CNTNAP5: variants seen among roughly 807,000 people sequenced by gnomAD.
The protein encoded by CNTNAP5 is contactin associated protein family member 5.
In CNTNAP5, 72 loss-of-function variants were observed where a neutral mutation model predicts 150.2. That is an observed-to-expected ratio of 0.48 (90% CI 0.40 to 0.58). The LOEUF is 0.58. CNTNAP5 is among the 20% of genes least tolerant of loss of function. The pLI is 0.00. For synonymous variants in CNTNAP5, 672 were observed against 619.8 expected (o/e 1.08, Z -1.25); for missense variants, 1,636 against 1,626.2 (o/e 1.01, Z -0.10).
At chr2:124,078,896 T>C (rs1440849681) in intron 1 of CNTNAP5, among the ~76,000 whole-genome samples, 1 of 152,198 alleles carries the variant, frequency 6.6e-6, no homozygotes, top group South Asian at 2.1e-4. Context: ...GTGGGACCTC[T>C]GTGAAAGGTA....
rs181989861 is a variant in CNTNAP5, at chr2:124,216,564, G to A, written c.83-5141G>A. Among the ~76,000 whole-genome samples the A allele has an allele frequency of 3.9e-3, 588 of 151,880 alleles. 5 individuals carry two copies. Among genetic ancestry groups the A allele is most frequent in the African/African-American group, 0.013 (559 of 41,434 alleles). On this transcript the variant is annotated intron_variant, in intron 1 of 23. Transcript: ENST00000682447. The stretch of plus-strand genomic sequence containing the variant: ...CTCCTCCCACCCCACAACAGTCCCC[G>A]GTGTGTGATATTCCCCTTCCTTTGT...
At chr2:124,263,617 T>C (rs373923252) in intron 3 of CNTNAP5, among the ~76,000 whole-genome samples, 41 of 152,290 alleles carry the variant, frequency 2.7e-4, no homozygotes, top group African/African-American at 8.7e-4. Flanking sequence ...ACGCTGATGG[T>C]AGTTTCTTTT....
At chr2:124,381,001 G>A (rs561074439) in intron 3 of CNTNAP5, among the ~76,000 whole-genome samples, 1 of 152,288 alleles carries the variant, frequency 6.6e-6, no homozygotes, top group South Asian at 2.1e-4. Context: ...TCTCTGAGAA[G>A]GTGGCATTGG....
At chr2:124,617,899 A>G (rs559787177) in intron 12 of CNTNAP5, among the ~76,000 whole-genome samples, 1 of 152,218 alleles carries the variant, frequency 6.6e-6, no homozygotes, top group South Asian at 2.1e-4. Context: ...TGCCTCTGAA[A>G]CCTGAATAGG....
chr2:124,563,024 G>C, intron 10 of CNTNAP5, among the ~76,000 whole-genome samples, 193 bp from the exon 11 acceptor site: 1 of 152,280 alleles, frequency 6.6e-6, no homozygotes, highest in Admixed American at 6.5e-5. Flanking sequence ...GTAATGCAAG[G>C]TGATTCTACC....
chr2:124,310,095 G>A (rs1688788129), intron 3 of CNTNAP5, among the ~76,000 whole-genome samples: 1 of 151,540 alleles, frequency 6.6e-6, no homozygotes, highest in South Asian at 2.1e-4. Flanking sequence ...TCAGGGAGAT[G>A]GAGTGGTTCT....
At chr2:124,469,396 A>T (rs958894567) in intron 6 of CNTNAP5, among the ~76,000 whole-genome samples, 4 of 152,196 alleles carry the variant, frequency 2.6e-5, no homozygotes, top group South Asian at 2.1e-4. Flanking sequence ...TAGAGCATTA[A>T]TTTTTTTGAA....
chr2:124,127,732 A>C (rs948960023), intron 1 of CNTNAP5, among the ~76,000 whole-genome samples: 1 of 152,182 alleles, frequency 6.6e-6, no homozygotes, highest in Non-Finnish European at 1.5e-5. Context: ...ATGGAACACA[A>C]CAGAGCCCTC....
intron 13 of CNTNAP5, among the ~76,000 whole-genome samples, chr2:124,665,151 A>G (rs1678671721): frequency 2.0e-5 from 3 of 152,368 alleles, no homozygotes; most frequent in African/African-American, 7.2e-5. Flanking sequence ...CAATAGAAGA[A>G]TTGAAATCAA....
chr2:124,474,437 T>C (rs913482134), intron 6 of CNTNAP5, among the ~76,000 whole-genome samples: 11 of 152,072 alleles, frequency 7.2e-5, no homozygotes, highest in Admixed American at 4.6e-4. Flanking sequence ...TATAAAGACA[T>C]TGATTTTCTT....
chr2:124,827,546 C>A (rs575183605), intron 19 of CNTNAP5, among the ~76,000 whole-genome samples: 1 of 152,286 alleles, frequency 6.6e-6, no homozygotes, highest in African/African-American at 2.4e-5. Context: ...AGACTTAACC[C>A]ACATGACAGA....
At chr2:124,680,952 T>C (rs1481552956) in intron 13 of CNTNAP5, 2 of 151,790 alleles carry the variant, frequency 1.3e-5, no homozygotes, top group Non-Finnish European at 2.9e-5. Flanking sequence ...ACCAATATTT[T>C]TGCTTCCTAA....
At chr2:124,133,470 T>C (rs1423761829) in intron 1 of CNTNAP5, among the ~76,000 whole-genome samples, 1 of 152,152 alleles carries the variant, frequency 6.6e-6, no homozygotes, top group Non-Finnish European at 1.5e-5. Flanking sequence ...TTAAAGGGCC[T>C]GGTCACACAG....
At chr2:124,755,072 T>A (rs904222650) in intron 14 of CNTNAP5, among the ~76,000 whole-genome samples, 9 of 125,308 alleles carry the variant, frequency 7.2e-5, no homozygotes, top group Non-Finnish European at 1.5e-4. Flanking sequence ...TTAAAGCAGG[T>A]TTTTTTTTTC....
At chr2:124,069,165 A>G (rs1274662803) in intron 1 of CNTNAP5, among the ~76,000 whole-genome samples, 4 of 151,938 alleles carry the variant, frequency 2.6e-5, no homozygotes, top group Admixed American at 2.0e-4. Flanking sequence ...TTAAGTGAAG[A>G]GCCCTTGAAC....
At chr2:124,342,341 C>T (rs951877124) in intron 3 of CNTNAP5, among the ~76,000 whole-genome samples, 1 of 152,074 alleles carries the variant, frequency 6.6e-6, no homozygotes, top group South Asian at 2.1e-4. Flanking sequence ...TTGGGTTAAT[C>T]CTGCTCTTCT....
At chr2:124,128,731 A>G (rs1683776265) in intron 1 of CNTNAP5, among the ~76,000 whole-genome samples, 1 of 152,028 alleles carries the variant, frequency 6.6e-6, no homozygotes, top group Admixed American at 6.6e-5. Context: ...CTATGCAGCC[A>G]TAAAAAAGGG....
At chr2:124,788,763 G>A (rs1681654896) in intron 17 of CNTNAP5, among the ~76,000 whole-genome samples, 1 of 151,892 alleles carries the variant, frequency 6.6e-6, no homozygotes, top group Admixed American at 6.6e-5. Context: ...CTCCCGAGTA[G>A]CTGGAATTAT....
At chr2:124,427,678 A>G (rs1692273224) in intron 4 of CNTNAP5, among the ~76,000 whole-genome samples, 1 of 152,034 alleles carries the variant, frequency 6.6e-6, no homozygotes, top group Non-Finnish European at 1.5e-5. Context: ...GCTGGTTTCA[A>G]ACTCCTGACC....
Sources: gnomAD v4.1 joint callset for allele counts (sites outside exome capture counted in the v4.1 genomes callset) on GRCh38, gnomAD v4.1.1 for gene constraint, MANE v1.5 for transcripts, NCBI Gene and HGNC (gene_info 2026-07-23, HGNC 2026-07-21) for gene names.